TMEM117: variants seen among roughly 807,000 people sequenced by gnomAD.
TMEM117 encodes the protein transmembrane protein 117.
TMEM117 carries 27 observed loss-of-function variants against 52.4 expected under a neutral mutation model. The observed-to-expected ratio is 0.51, with a 90% CI of 0.38 to 0.71. The LOEUF (loss-of-function observed/expected upper bound fraction) is 0.71, where lower values mean the gene tolerates loss of function less well. TMEM117 is among the 30% of genes least tolerant of loss of function. TMEM117 has a pLI of 0.00. For synonymous variants in TMEM117, 215 were observed against 206.3 expected, an observed-to-expected ratio of 1.04 and a Z score of -0.36; for missense variants, 556 against 630.5, an observed-to-expected ratio of 0.88 and a Z score of 1.26.
chr12:43,929,118 G>T (rs966697474), intron 2 of TMEM117, among the ~76,000 whole-genome samples: 1 of 151,934 alleles, frequency 6.6e-6, no homozygotes, highest in African/African-American at 2.4e-5. Flanking sequence ...CCAGTAATGG[G>T]ATGGCTGGGT....
intron 3 of TMEM117, among the ~76,000 whole-genome samples, chr12:43,993,200 C>T (rs2137755275): frequency 6.6e-6 from 1 of 152,240 alleles, no homozygotes. Context: ...GTCTTTGTGC[C>T]AGAATGCAAT....
At chr12:43,967,280 A>G in intron 3 of TMEM117, among the ~76,000 whole-genome samples, 1 of 152,002 alleles carries the variant, frequency 6.6e-6, no homozygotes, top group Middle Eastern at 3.2e-3. Context: ...ATGTGCCACC[A>G]TGCCCAGCTA....
chr12:43,836,643 C>T (rs951215739), intron 1 of TMEM117, among the ~76,000 whole-genome samples: 10 of 151,986 alleles, frequency 6.6e-5, no homozygotes, highest in African/African-American at 2.4e-4. Flanking sequence ...AGGTGTTGTT[C>T]TTGGGAAAAA....
At chr12:43,813,231 GTTTTTT>G in the TMEM117 span, among the ~76,000 whole-genome samples, 3,476 of 62,392 alleles carry the variant, frequency 0.056, 35 homozygotes, top group Middle Eastern at 0.085. Context: ...GTTTTCTCTT[GTTTTTT>G]TTTTTTTTTT....
chr12:43,915,272 TCATTACCTCTTAGGATC>T (rs1298921941), intron 2 of TMEM117, among the ~76,000 whole-genome samples: 2 of 152,036 alleles, frequency 1.3e-5, no homozygotes, highest in Non-Finnish European at 2.9e-5. Flanking sequence ...CCATCATGAG[TCATTACCTCTTAGGATC>T]CAAGCATTGT....
chr12:43,818,617 T>G, the TMEM117 span, among the ~76,000 whole-genome samples: 3 of 152,228 alleles, frequency 2.0e-5, 1 homozygote, highest in Admixed American at 2.0e-4. Flanking sequence ...ATTTTTGTAT[T>G]TTTAGTAGAG....
At chr12:43,806,161 C>G in the TMEM117 span, 11 of 1,534,710 alleles carry the variant, frequency 7.2e-6, no homozygotes, top group Admixed American at 2.2e-4. Context: ...CTGCAGCCCT[C>G]CCGGCTCTCC....
intron 6 of TMEM117, among the ~76,000 whole-genome samples, chr12:44,351,003 G>A (rs1392950043): frequency 6.6e-6 from 1 of 151,908 alleles, no homozygotes; most frequent in Non-Finnish European, 1.5e-5. Context: ...GGTTCCCCTA[G>A]TCTCCACATC....
At chr12:44,159,789 A>G (rs1041577965) in intron 4 of TMEM117, among the ~76,000 whole-genome samples, 22 of 152,208 alleles carry the variant, frequency 1.4e-4, no homozygotes, top group African/African-American at 5.1e-4. Context: ...ACTTTGTTGA[A>G]AACATCAGCA....
intron 2 of TMEM117, among the ~76,000 whole-genome samples, chr12:43,891,367 ATTTTTTTTTT>A (rs772754829): frequency 8.6e-5 from 5 of 57,804 alleles, no homozygotes; most frequent in Admixed American, 3.3e-4. Context: ...TACCTCTTGA[ATTTTTTTTTT>A]TTTTTTTTTT....
intron 4 of TMEM117, among the ~76,000 whole-genome samples, chr12:44,157,377 G>A (rs1165956984): frequency 2.0e-5 from 3 of 151,924 alleles, no homozygotes; most frequent in Non-Finnish European, 4.4e-5. Context: ...AATATTGTTA[G>A]TGTTACTTAA....
chr12:43,865,683 C>T lies in TMEM117; in HGVS notation c.277+20755C>T, dbSNP rs1037951914. Among the ~76,000 whole-genome samples the T allele has an allele frequency of 7.4e-5, 11 of 149,560 alleles. No homozygotes were observed. In the East Asian group the frequency reaches 7.8e-4, roughly 11 times the overall value. On this transcript the variant is annotated intron_variant, in intron 2 of 7. Transcript: ENST00000266534. ...CTGCACTCCAGCCTGGGTGACAGAA[C>T]GAGACTCCGTCCCAAAAAAAGAAAA...
chr12:43,935,247 A>G (rs980506620), intron 2 of TMEM117, among the ~76,000 whole-genome samples: 6 of 152,196 alleles, frequency 3.9e-5, no homozygotes, highest in African/African-American at 7.2e-5. Flanking sequence ...GTGAATTTAA[A>G]CAAAAATAGT....
At chr12:43,871,945 A>G (rs1173722844) in intron 2 of TMEM117, among the ~76,000 whole-genome samples, 3 of 152,162 alleles carry the variant, frequency 2.0e-5, no homozygotes, top group Admixed American at 6.5e-5. Flanking sequence ...CTCAAAGGTT[A>G]TGGATGTGAG....
intron 3 of TMEM117, among the ~76,000 whole-genome samples, chr12:43,977,713 G>A (rs1280371203): frequency 2.0e-5 from 3 of 152,124 alleles, no homozygotes; most frequent in African/African-American, 7.2e-5. Flanking sequence ...GCCCTTGAGA[G>A]TTATATGGGA....
chr12:44,333,879 T>A (rs1488592463), intron 6 of TMEM117, among the ~76,000 whole-genome samples: 1 of 151,916 alleles, frequency 6.6e-6, no homozygotes, highest in Admixed American at 6.6e-5. Flanking sequence ...ATCTGACTGA[T>A]CAACCCCATG....
chr12:44,276,878 T>C (rs73274169), intron 5 of TMEM117, among the ~76,000 whole-genome samples: 7,484 of 151,344 alleles, frequency 0.049, 220 homozygotes, highest in African/African-American at 0.076. Context: ...TCTTTTTAAA[T>C]ACATGAAAAG....
intron 3 of TMEM117, among the ~76,000 whole-genome samples, chr12:44,133,513 C>T (rs1279265756): frequency 2.0e-5 from 3 of 151,694 alleles, no homozygotes; most frequent in Non-Finnish European, 2.9e-5. Context: ...TTTCTTTTTG[C>T]TTTTTTGACC....
intron 3 of TMEM117, among the ~76,000 whole-genome samples, chr12:44,135,004 G>T (rs117959889): frequency 0.017 from 2,649 of 152,090 alleles, 28 homozygotes; most frequent in Non-Finnish European, 0.026. Flanking sequence ...ATGTCAGCCA[G>T]CTTTCATCCT....
Sources: allele counts gnomAD v4.1 joint callset (sites outside exome capture counted in the v4.1 genomes callset), GRCh38; gene constraint gnomAD v4.1.1; transcripts MANE v1.5; gene names NCBI Gene and HGNC (gene_info 2026-07-23, HGNC 2026-07-21).